CHN2: variants seen among roughly 807,000 people sequenced by gnomAD.
CHN2 encodes chimerin 2.
Under a neutral mutation model 56.3 loss-of-function variants are expected in CHN2, and 35 were observed. The observed-to-expected ratio is 0.62, with a 90% confidence interval of 0.47 to 0.82. CHN2 has a LOEUF of 0.82. Ranked by LOEUF, CHN2 falls within the 40% of genes least tolerant of loss-of-function variation. CHN2 has a pLI of 0.00. For missense variants in CHN2, 491 were observed against 580.5 expected, an observed-to-expected ratio of 0.85 and a Z score of 1.58; for synonymous variants, 210 against 212.8, an observed-to-expected ratio of 0.99 and a Z score of 0.12.
intron 1 of CHN2, among the ~76,000 whole-genome samples, chr7:29,303,092 A>G (rs1793832197): frequency 6.6e-6 from 1 of 152,170 alleles, no homozygotes; most frequent in African/African-American, 2.4e-5. Flanking sequence ...CAGGCTGTCT[A>G]TGCCTTGCCA....
chr7:29,318,442 G>A (rs1795112234), intron 1 of CHN2, among the ~76,000 whole-genome samples: 1 of 152,146 alleles, frequency 6.6e-6, no homozygotes, highest in Admixed American at 6.5e-5. Flanking sequence ...TTCCCAGAGG[G>A]TTCTAGAGAG....
intron 12 of CHN2, among the ~76,000 whole-genome samples, chr7:29,511,958 ACCT>A (rs879621076): frequency 1.4e-4 from 21 of 151,978 alleles, no homozygotes; most frequent in Non-Finnish European, 2.5e-4. Context: ...ACTGCTGTAG[ACCT>A]CATCCTGTGG....
chr7:29,212,443 C>T (rs779597722), intron 1 of CHN2: 110 of 1,604,940 alleles, frequency 6.9e-5, no homozygotes, highest in Middle Eastern at 6.1e-4. Flanking sequence ...ATGCCTCACA[C>T]GGAGACTGTC....
intron 2 of CHN2, among the ~76,000 whole-genome samples, chr7:29,364,578 G>T (rs1200916689): frequency 1.3e-5 from 2 of 152,258 alleles, no homozygotes; most frequent in East Asian, 3.9e-4. Context: ...TAGTAGTTTT[G>T]GGGGTGATTC....
intron 2 of CHN2, among the ~76,000 whole-genome samples, chr7:29,187,620 C>T (rs1351247110): frequency 2.6e-5 from 4 of 151,928 alleles, no homozygotes; most frequent in Non-Finnish European, 4.4e-5. Context: ...CCCAGCTACT[C>T]GGGAGGCTGA....
chr7:29,385,277 TA>T (rs200934753), intron 3 of CHN2, among the ~76,000 whole-genome samples: 2,180 of 152,114 alleles, frequency 0.014, 12 homozygotes, highest in Middle Eastern at 0.024. Context: ...CATTTTTGGT[TA>T]AAAAAAATGT....
At chr7:29,170,683 G>A (rs555581714) in intron 2 of CHN2, among the ~76,000 whole-genome samples, 8 of 152,278 alleles carry the variant, frequency 5.3e-5, no homozygotes, top group Non-Finnish European at 1.2e-4. Context: ...ATGACTTACT[G>A]TATTAGTCTG....
At chr7:29,202,809 A>G (rs1263939370) in intron 1 of CHN2, among the ~76,000 whole-genome samples, 1 of 152,234 alleles carries the variant, frequency 6.6e-6, no homozygotes, top group Non-Finnish European at 1.5e-5. Flanking sequence ...ATGCCATATT[A>G]GCAATGTGAA....
In CHN2 at chr7:29,263,943, G is replaced by A. The variant is rs1357646169; in HGVS notation, c.49+68953G>A. Among the ~76,000 whole-genome samples, 52 of 143,666 alleles carry A rather than the reference G, an allele frequency of 3.6e-4. 1 individual carries two copies. The highest frequency in any genetic ancestry group is 6.5e-4 in the South Asian group (3 of 4,650). The allele number at this position is 143,666 out of a possible 152,430, so 94.3% of individuals were successfully genotyped here. A position where few individuals can be genotyped will look rare whatever the true frequency, so the allele number is the denominator to read the frequency against. Reference sequence around the variant, plus strand: ...GTCCGGGAGCTGGGGGGCAGCCCCCGCCCGGCCAGCCGCCCCGTCTGGGAG... The same window carrying A: ...GTCCGGGAGCTGGGGGGCAGCCCCCACCCGGCCAGCCGCCCCGTCTGGGAG... On this transcript the variant is annotated intron_variant, in intron 1 of 12. Transcript: ENST00000222792.
intron 1 of CHN2, among the ~76,000 whole-genome samples, chr7:29,284,642 T>C (rs779896139): frequency 1.3e-5 from 2 of 151,986 alleles, no homozygotes; most frequent in Non-Finnish European, 2.9e-5. Context: ...ACCACATGAG[T>C]TGAGAGGAGA....
Position 29,377,612 on chromosome 7 carries a change from T to C in CHN2, c.144+9625T>C, listed in dbSNP as rs377497676. ...GCATTTCTCAATTCAGGATTTTAGA[T>C]AACGAATTTGCTAATAAAAGCCAGT... On this transcript the variant is annotated intron_variant, in intron 3 of 12. Transcript: ENST00000222792. 4.7e-4 allele frequency among the ~76,000 whole-genome samples: 71 copies of C among 151,768 alleles called. 1 individual carries two copies. In the South Asian group the frequency reaches 0.014, roughly 30 times the overall value.
intron 2 of CHN2, among the ~76,000 whole-genome samples, chr7:29,359,608 A>G (rs1483636773): frequency 6.6e-6 from 1 of 152,198 alleles, no homozygotes; most frequent in African/African-American, 2.4e-5. Context: ...CCATAAAATA[A>G]TCTTGTCCCA....
rs527328253 is a variant in CHN2, at chr7:29,225,060, A to G, written c.49+30070A>G. 9.8e-5 allele frequency among the ~76,000 whole-genome samples: 15 copies of G among 152,312 alleles called. No individual in the cohort carries two copies. In the East Asian group the frequency reaches 2.9e-3, roughly 29 times the overall value. ...GTAGCCTGCCTGAGTTGACACCTCC[A>G]TTTTCAATCACAGCAAGATTGCTTT... On this transcript the variant is annotated intron_variant, in intron 1 of 12. Transcript: ENST00000222792.
At chr7:29,330,049 A>G (rs1025152522) in intron 1 of CHN2, among the ~76,000 whole-genome samples, 3 of 152,210 alleles carry the variant, frequency 2.0e-5, no homozygotes, top group Admixed American at 6.5e-5. Context: ...ATCATCTTCT[A>G]TATTTCCCTA....
At position 29,273,337 on chromosome 7, in the gene CHN2, ATATGTG is replaced by A. The variant is rs1473808534; in HGVS notation, c.49+78351_49+78356del. Among the ~76,000 whole-genome samples, 22 of 79,934 alleles carry A rather than the reference ATATGTG, an allele frequency of 2.8e-4. 2 individuals are homozygous for A. The highest frequency in any genetic ancestry group is 1.5e-3 in the African/African-American group (21 of 14,028). The allele number at this position is 79,934 out of a possible 152,430, so 52.4% of individuals were successfully genotyped here. Reference sequence around the variant, plus strand: ...AATATTCCATCATGCATATATATATATATGTGTATATATATATATATATATATATAT... The same window carrying A: ...AATATTCCATCATGCATATATATATATATATATATATATATATATATATAT... On this transcript the variant is annotated intron_variant, in intron 1 of 12. Coordinates refer to ENST00000222792, the MANE Select transcript of CHN2 (RefSeq NM_004067.4).
At chr7:29,400,143 G>A (rs1160309619) in intron 5 of CHN2, 9 of 213,822 alleles carry the variant, frequency 4.2e-5, no homozygotes, top group Middle Eastern at 9.5e-4. Context: ...GCTGGTTCCC[G>A]TTAAGTAAGT....
chr7:29,174,435 C>A (rs535224640), intron 2 of CHN2, among the ~76,000 whole-genome samples: 7 of 152,236 alleles, frequency 4.6e-5, no homozygotes, highest in African/African-American at 1.7e-4. Context: ...GCTTCTCCCC[C>A]AAGAGGGACA....
chr7:29,407,894 A>G (rs1017475614), intron 6 of CHN2, among the ~76,000 whole-genome samples: 1 of 152,210 alleles, frequency 6.6e-6, no homozygotes, highest in Non-Finnish European at 1.5e-5. Context: ...GAGCTTTTAA[A>G]AAAATGCCCA....
At chr7:29,160,268 G>A (rs1463458492) in intron 2 of CHN2, among the ~76,000 whole-genome samples, 1 of 152,180 alleles carries the variant, frequency 6.6e-6, no homozygotes, top group Non-Finnish European at 1.5e-5. Context: ...ACAGACATGA[G>A]CAGTACATTC....
Sources: allele counts gnomAD v4.1 joint callset (sites outside exome capture counted in the v4.1 genomes callset), GRCh38; gene constraint gnomAD v4.1.1; transcripts MANE v1.5; gene names NCBI Gene and HGNC (gene_info 2026-07-23, HGNC 2026-07-21).